Variants in RGS7 observed in about 807,000 individuals in gnomAD.
RGS7 encodes regulator of G-protein signaling 7.
A neutral mutation model predicts 81.1 loss-of-function variants in RGS7; 27 were observed. That is an observed-to-expected ratio of 0.33 (90% CI 0.25 to 0.46). The LOEUF (loss-of-function observed/expected upper bound fraction) is 0.46, where lower values mean the gene tolerates loss of function less well. RGS7 is among the 20% of genes least tolerant of loss of function. The probability of loss-of-function intolerance (pLI) is 1.00; values close to 1 mark genes in which losing one functional copy is unlikely to be tolerated. For synonymous variants in RGS7, 208 were observed against 207.7 expected, an observed-to-expected ratio of 1.00 and a Z score of -0.01; for missense variants, 396 against 607.4, an observed-to-expected ratio of 0.65 and a Z score of 3.66.
intron 14 of RGS7, among the ~76,000 whole-genome samples, chr1:240,811,559 T>C (rs1340967114): frequency 6.6e-6 from 1 of 152,214 alleles, no homozygotes; most frequent in Non-Finnish European, 1.5e-5. Context: ...TAGTCAACAA[T>C]GACAAATAGG....
At chr1:241,063,610 C>T (rs1466880589) in intron 3 of RGS7, among the ~76,000 whole-genome samples, 2 of 152,130 alleles carry the variant, frequency 1.3e-5, no homozygotes, top group Admixed American at 6.5e-5. Context: ...CTGCTTTCAC[C>T]GGCTTTTGAT....
intron 3 of RGS7, among the ~76,000 whole-genome samples, chr1:240,988,838 G>A (rs1433883060): frequency 6.6e-6 from 1 of 152,188 alleles, no homozygotes; most frequent in South Asian, 2.1e-4. Context: ...ACTGAAAAAA[G>A]AGAAAAGCAG....
chr1:241,106,591 C>CTGTAG (rs2065115529), intron 2 of RGS7, among the ~76,000 whole-genome samples: 1 of 151,790 alleles, frequency 6.6e-6, no homozygotes, highest in African/African-American at 2.4e-5. Context: ...TGGCAGGTGC[C>CTGTAG]TGTAGTCCCA....
Position 240,842,949 on chromosome 1 carries a change from G to T in RGS7, c.610-15777C>A, listed in dbSNP as rs148230321. 3.3e-3 allele frequency among the ~76,000 whole-genome samples: 495 copies of T among 152,118 alleles called. 3 individuals are homozygous for T. The highest frequency in any genetic ancestry group is 0.011 in the African/African-American group (473 of 41,500). On this transcript the variant is annotated intron_variant, in intron 9 of 18. Coordinates refer to ENST00000440928, the MANE Select transcript of RGS7 (RefSeq NM_001364886.1). ...AGGCCTAGGCGGGTGGATCACCTGA[G>T]GTCAGGAGTTCTAGACCAGCCTGGC...
chr1:240,838,364 G>T (rs1241931664), intron 9 of RGS7, among the ~76,000 whole-genome samples: 1 of 152,214 alleles, frequency 6.6e-6, no homozygotes, highest in African/African-American at 2.4e-5. Context: ...CCACCTTGGA[G>T]GTTAGGAATT....
chr1:240,844,557 G>A (rs1201259185), intron 9 of RGS7, among the ~76,000 whole-genome samples: 1 of 152,092 alleles, frequency 6.6e-6, no homozygotes, highest in Non-Finnish European at 1.5e-5. Context: ...TCTACCCATG[G>A]CTCACATAAA....
At chr1:240,840,885 A>C (rs1657832811) in intron 9 of RGS7, among the ~76,000 whole-genome samples, 1 of 152,104 alleles carries the variant, frequency 6.6e-6, no homozygotes, top group Admixed American at 6.6e-5. Context: ...AGACTTTTTG[A>C]ACATACCCAT....
intron 6 of RGS7, among the ~76,000 whole-genome samples, chr1:240,899,001 C>T (rs1669540966): frequency 6.6e-6 from 1 of 152,156 alleles, no homozygotes; most frequent in South Asian, 2.1e-4. Flanking sequence ...GGATAGTTAG[C>T]TCTTCTTATT....
chr1:241,331,389 G>A (rs1182420551), intron 2 of RGS7, among the ~76,000 whole-genome samples: 9 of 152,114 alleles, frequency 5.9e-5, no homozygotes, highest in Admixed American at 5.9e-4. Context: ...ATGCAACTTA[G>A]CTTTGGCATG....
chr1:240,997,962 T>G (rs892137128), intron 3 of RGS7, among the ~76,000 whole-genome samples: 4 of 152,246 alleles, frequency 2.6e-5, no homozygotes, highest in African/African-American at 9.6e-5. Context: ...GAAAATTCCT[T>G]TTAATCATTC....
At chr1:241,342,195 T>C (rs2082605179) in intron 2 of RGS7, among the ~76,000 whole-genome samples, 1 of 152,020 alleles carries the variant, frequency 6.6e-6, no homozygotes, top group African/African-American at 2.4e-5. Flanking sequence ...TCAAGTCTTA[T>C]ACTGCCTGGA....
At chr1:241,260,774 T>C (rs1473237774) in intron 2 of RGS7, among the ~76,000 whole-genome samples, 1 of 152,066 alleles carries the variant, frequency 6.6e-6, no homozygotes, top group African/African-American at 2.4e-5. Context: ...AAAACCCAAA[T>C]CCATCCTTTG....
chr1:240,971,148 G>C (rs2148509620), intron 4 of RGS7, among the ~76,000 whole-genome samples: 1 of 152,182 alleles, frequency 6.6e-6, no homozygotes, highest in South Asian at 2.1e-4. Flanking sequence ...TATAAAAGAG[G>C]CTCCAGAGAG....
At chr1:241,103,901 C>T (rs992226971) in intron 2 of RGS7, among the ~76,000 whole-genome samples, 8 of 152,234 alleles carry the variant, frequency 5.3e-5, no homozygotes, top group African/African-American at 1.7e-4. Context: ...AATAATCAAA[C>T]AAGACCTTAT....
chr1:240,863,987 AC>A (rs1662747714), intron 9 of RGS7, among the ~76,000 whole-genome samples: 1 of 151,906 alleles, frequency 6.6e-6, no homozygotes, highest in Admixed American at 6.6e-5. Context: ...GACCCACACC[AC>A]CCCCTAGTTC....
intron 2 of RGS7, among the ~76,000 whole-genome samples, chr1:241,239,499 T>G (rs2076165334): frequency 6.6e-6 from 1 of 152,138 alleles, no homozygotes; most frequent in Non-Finnish European, 1.5e-5. Context: ...AAGTCCAAAC[T>G]TTTTAGCCGT....
intron 6 of RGS7, among the ~76,000 whole-genome samples, chr1:240,897,858 T>C (rs1392295439): frequency 2.0e-5 from 3 of 152,216 alleles, no homozygotes; most frequent in African/African-American, 7.2e-5. Context: ...CAAGGAATGG[T>C]ACCAGCTCCT....
At chr1:240,924,846 T>C (rs1206508935) in intron 6 of RGS7, among the ~76,000 whole-genome samples, 1 of 152,134 alleles carries the variant, frequency 6.6e-6, no homozygotes, top group African/African-American at 2.4e-5. Context: ...AAATAATATT[T>C]TAATGCAATA....
chr1:240,954,573 A>G (rs1175674626), intron 4 of RGS7, among the ~76,000 whole-genome samples: 1 of 150,592 alleles, frequency 6.6e-6, no homozygotes, highest in Non-Finnish European at 1.5e-5. Context: ...AAAAACTCTT[A>G]GCAATCTAGG....
Sources: gnomAD v4.1 joint callset for allele counts (sites outside exome capture counted in the v4.1 genomes callset) on GRCh38, gnomAD v4.1.1 for gene constraint, MANE v1.5 for transcripts, NCBI Gene and HGNC (gene_info 2026-07-23, HGNC 2026-07-21) for gene names.